Variants in PPT2 observed in about 807,000 individuals in gnomAD.
PPT2 encodes the protein palmitoyl-protein thioesterase 2.
A neutral mutation model predicts 37.3 loss-of-function variants in PPT2; 20 were observed. The ratio of observed to expected loss-of-function variants is 0.54; its 90% confidence interval spans 0.38 to 0.78. The LOEUF is 0.78. Among genes scored for constraint, PPT2 ranks in the 30% least tolerant of loss-of-function variants. The pLI is 0.00. For missense variants in PPT2, 270 were observed against 389.8 expected (o/e 0.69, Z 2.59); for synonymous variants, 135 against 159.1 (o/e 0.85, Z 1.14).
rs1033845669 is a variant in PPT2, at chr6:32,154,910, G to C, written c.184-120G>C. ...GGAGCTGGTGCTGGCGTGGGGGAGA[G>C]TTGGGGGACGGGATCCCTGGTTCTA... On this transcript the variant is annotated intron_variant, in intron 2 of 8. Transcript: ENST00000324816. The surrounding 1 kb of genome is among the most constrained non-coding windows in gnomAD (Gnocchi z 7.3). 7.8e-6 allele frequency: 12 copies of C among 1,539,496 alleles called. 1 individual carries two copies. The highest frequency in any genetic ancestry group is 2.3e-5 in the East Asian group (1 of 44,052).
rs140121259 is a variant in PPT2 at position 32,157,898 on chromosome 6, T to C, written c.684T>C (p.Asp228=). The C allele has an allele frequency of 1.1e-4, 170 of 1,612,404 alleles. No individual in the cohort carries two copies. The highest frequency in any genetic ancestry group is 1.4e-4 in the Non-Finnish European group (167 of 1,179,598). Residue 228 remains aspartate, a synonymous_variant, in exon 7 of 9, where the codon GAT becomes GAC. Transcript: ENST00000324816. The part of the protein sequence containing the change: ...GHLVLIGGPD[D]GVITPWQSSF... ...TGGTGCTGATTGGGGGCCCTGATGA[T>C]GGTGTTATTACTCCCTGGCAGTCCA...
In PPT2 at chr6:32,162,691, T is replaced by C. The variant is rs1383380275; in HGVS notation, c.765+69T>C. The C allele has an allele frequency of 6.4e-7, 1 of 1,573,752 alleles. No homozygotes were observed. The highest frequency in any genetic ancestry group is 2.2e-5 in the East Asian group (1 of 44,692). ...CTTATTCCAGAGCCCTCTCTGTGAC[T>C]CCTGAGCTGAAGGGTTCACCCTGTG... On this transcript the variant is annotated intron_variant, in intron 8 of 8. Transcript: ENST00000324816. The surrounding 1 kb of genome is among the most constrained non-coding windows in gnomAD (Gnocchi z 5.5).
Position 32,157,674 on chromosome 6 carries a change from C to T in PPT2, c.579C>T (p.Ser193=). 6.2e-7 allele frequency: 1 copy of T among 1,604,852 alleles called. No individual in the cohort carries two copies. Residue 193 remains serine (S), a synonymous_variant, in exon 6 of 9, where the codon AGC becomes AGT. Transcript: ENST00000324816. ...ATGACTTGTACCTCAATGCCAGCAG[C>T]TTCCTGGCCCTGATCAATGGGGAAA... The part of the protein sequence containing the change: ...HHDDLYLNAS[S]FLALINGERD...
In PPT2 at chr6:32,157,931, AG is replaced by A; in HGVS notation, c.710+10del. The A allele has an allele frequency of 6.2e-7, 1 of 1,603,416 alleles. No homozygotes were observed. Among genetic ancestry groups the A allele is most frequent in the Non-Finnish European group, 8.5e-7 (1 of 1,171,950 alleles). On this transcript the variant is annotated splice_region_variant and intron_variant, in intron 7 of 8. Coordinates refer to ENST00000324816, the MANE Select transcript of PPT2 (RefSeq NM_005155.7). ...TTACTCCCTGGCAGTCCAGGTAATAAGGGATTTTGTGGCCTGAAGATTGGCT... is the reference window on the plus strand; with the variant it reads ...TTACTCCCTGGCAGTCCAGGTAATAAGGATTTTGTGGCCTGAAGATTGGCT...
intron 7 of PPT2, among the ~76,000 whole-genome samples, chr6:32,160,518 A>C (rs1435809174): frequency 1.3e-5 from 2 of 151,568 alleles, no homozygotes; most frequent in Non-Finnish European, 2.9e-5. Flanking sequence ...AAAAATACAA[A>C]AATTAGTGGG....
Position 32,162,530 on chromosome 6 carries a change from C to T in PPT2, c.711-38C>T, listed in dbSNP as rs1364299745. 1.9e-6 allele frequency: 3 copies of T among 1,571,502 alleles called. No homozygotes were observed. The highest frequency in any genetic ancestry group is 2.6e-6 in the Non-Finnish European group (3 of 1,141,402). On this transcript the variant is annotated intron_variant, in intron 7 of 8. Transcript: ENST00000324816. This position sits in a 1 kb window ranked among gnomAD's most constrained non-coding sequence, Gnocchi z 5.5. ...CCACTGCGCCCGGCCAGATTTTCTC[C>T]AGCTCTTCTGATAACCTCCCCCCAA... is the stretch of plus-strand genomic sequence containing the variant.
Position 32,156,219 on chromosome 6 carries a change from C to T in PPT2, c.541+241C>T, listed in dbSNP as rs1437850281. Among the ~76,000 whole-genome samples the T allele has an allele frequency of 6.6e-6, 1 of 152,050 alleles. No individual in the cohort carries two copies. The highest frequency in any genetic ancestry group is 2.4e-5 in the African/African-American group (1 of 41,388). On this transcript the variant is annotated intron_variant, in intron 5 of 8. Transcript: ENST00000324816. The surrounding 1 kb of genome is among the most constrained non-coding windows in gnomAD (Gnocchi z 4.9). The stretch of plus-strand genomic sequence containing the variant: ...CTCCCAGGTTCAAGTGATCCTCCTG[C>T]CTCAGTCCCCCTAGTAGCTGGGATT...
In PPT2 at chr6:32,163,605, C is replaced by G. The variant is rs955278619; in HGVS notation, c.*655C>G. On this transcript the variant is annotated 3_prime_UTR_variant, in exon 9 of 9. Coordinates refer to ENST00000324816, the MANE Select transcript of PPT2 (RefSeq NM_005155.7). ...GGAGAGCCTAGTTTCTTTGAGGCCC[C>G]AGGCCCTCTTTTAACTACCTTTGAA... The G allele has an allele frequency of 6.5e-6, 1 of 152,814 alleles. No homozygotes were observed. Among genetic ancestry groups the G allele is most frequent in the Non-Finnish European group, 1.5e-5 (1 of 68,168 alleles). 9.5% of individuals were successfully genotyped at this position (152,814 alleles called of 1,614,324 possible).
chr6:32,154,023 C>A, upstream of PPT2: 1 of 1,198,020 alleles, frequency 8.3e-7, no homozygotes, highest in Non-Finnish European at 1.0e-6. This position sits in a 1 kb window ranked among gnomAD's most constrained non-coding sequence, Gnocchi z 7.3. Flanking sequence ...TGGAATATTC[C>A]ATTGCCCCTC....
chr6:32,161,981 G>C (rs983448608), intron 7 of PPT2, among the ~76,000 whole-genome samples: 2 of 152,198 alleles, frequency 1.3e-5, no homozygotes, highest in Non-Finnish European at 2.9e-5. Flanking sequence ...GCCTCCCAAA[G>C]TGCTGGGATT....
intron 7 of PPT2, among the ~76,000 whole-genome samples, chr6:32,158,588 C>T (rs1016656238): frequency 1.3e-5 from 2 of 152,106 alleles, no homozygotes; most frequent in African/African-American, 2.4e-5. Context: ...AAAGAGAAGT[C>T]CCTAATGTTA....
At chr6:32,157,327 T>C (rs1783862309) in intron 5 of PPT2, 1 of 440,748 alleles carries the variant, frequency 2.3e-6, no homozygotes, top group African/African-American at 2.0e-5. Context: ...TTCAAGTGAT[T>C]CCAGCGCCCC....
At position 32,157,925 on chromosome 6, in the gene PPT2, G is replaced by T; in HGVS notation, c.710+1G>T. On this transcript the variant is annotated splice_donor_variant, in intron 7 of 8. Transcript: ENST00000324816. LOFTEE classifies it high-confidence loss of function. The stretch of plus-strand genomic sequence containing the variant: ...GTGTTATTACTCCCTGGCAGTCCAG[G>T]TAATAAGGGATTTTGTGGCCTGAAG... 1 of 1,606,482 alleles carries T rather than the reference G, an allele frequency of 6.2e-7. No individual in the cohort carries two copies. The highest frequency in any genetic ancestry group is 8.5e-7 in the Non-Finnish European group (1 of 1,174,508).
At position 32,162,767 on chromosome 6, in the gene PPT2, C is replaced by T; in HGVS notation, c.766-40C>T. 1 of 1,608,546 alleles carries T rather than the reference C, an allele frequency of 6.2e-7. No homozygotes were observed. The highest frequency in any genetic ancestry group is 2.2e-5 in the East Asian group (1 of 44,854). On this transcript the variant is annotated intron_variant, in intron 8 of 8. Coordinates refer to ENST00000324816, the MANE Select transcript of PPT2 (RefSeq NM_005155.7). The surrounding 1 kb of genome is among the most constrained non-coding windows in gnomAD (Gnocchi z 5.5). ...TAACTCACTTTGTCTCTCCTTGTGTCTCTCTTCCATGCTTCCACGCCCCTT... is the reference window on the plus strand; with the variant it reads ...TAACTCACTTTGTCTCTCCTTGTGTTTCTCTTCCATGCTTCCACGCCCCTT...
Position 32,162,684 on chromosome 6 carries a change from CTG to C in PPT2, c.765+65_765+66del. 1 of 1,573,924 alleles carries C rather than the reference CTG, an allele frequency of 6.4e-7. No homozygotes were observed. The highest frequency in any genetic ancestry group is 2.2e-5 in the East Asian group (1 of 44,680). Reference sequence around the variant, plus strand: ...GTCCCACCTTATTCCAGAGCCCTCTCTGTGACTCCTGAGCTGAAGGGTTCACC... The same window carrying C: ...GTCCCACCTTATTCCAGAGCCCTCTCTGACTCCTGAGCTGAAGGGTTCACC... On this transcript the variant is annotated intron_variant, in intron 8 of 8. Transcript: ENST00000324816. This position sits in a 1 kb window ranked among gnomAD's most constrained non-coding sequence, Gnocchi z 5.5.
rs771678882 is a variant in PPT2, at chr6:32,162,807, G to A, written c.766G>A (p.Val256Ile). Residue 256 changes from valine (V) to isoleucine (I), a missense_variant and splice_region_variant, in exon 9 of 9, where the codon GTT becomes ATT. Val to Ile is a conservative substitution (Grantham distance 29, BLOSUM62 3). Coordinates refer to ENST00000324816, the MANE Select transcript of PPT2 (RefSeq NM_005155.7). This position sits in a 1 kb window ranked among gnomAD's most constrained non-coding sequence, Gnocchi z 5.5. ...CCACGCCCCTTCGACCACCTTGAAG[G>A]TTTATCTGCGGGATTCTTTTGGGTT... is the stretch of plus-strand genomic sequence containing the variant. ...ETVLEMEEQL[V>I]YLRDSFGLKT... The A allele has an allele frequency of 2.4e-5, 38 of 1,613,260 alleles. 1 individual carries two copies. In the Middle Eastern group the frequency reaches 4.6e-3, roughly 196 times the overall value.
At chr6:32,159,200 C>T (rs147191051) in intron 7 of PPT2, among the ~76,000 whole-genome samples, 1,853 of 151,706 alleles carry the variant, frequency 0.012, 14 homozygotes, top group Non-Finnish European at 0.018. Flanking sequence ...TTTGGGAGGC[C>T]GAGGCAGTGG....
chr6:32,158,026 G>A, intron 7 of PPT2, 102 bp downstream of exon 7: 1 of 998,368 alleles, frequency 1.0e-6, no homozygotes, highest in Non-Finnish European at 1.5e-6. Context: ...CCACTGTTCA[G>A]TTAGTGCTCC....
chr6:32,157,748 G>T (rs1472006830), intron 6 of PPT2, 28 bp downstream of exon 6: 4 of 1,567,866 alleles, frequency 2.6e-6, no homozygotes, highest in Middle Eastern at 1.7e-4. Flanking sequence ...TACCTGTGTT[G>T]CTTTTTCTGC....
Sources: allele counts gnomAD v4.1 joint callset (sites outside exome capture counted in the v4.1 genomes callset), GRCh38; gene constraint gnomAD v4.1.1; non-coding constraint Gnocchi (gnomAD v3.1); transcripts MANE v1.5; gene names NCBI Gene and HGNC (gene_info 2026-07-23, HGNC 2026-07-21).